The following PRKCQ variants were observed in gnomAD, a reference collection of about 807,000 sequenced individuals.
The protein encoded by PRKCQ is protein kinase C theta type.
A neutral mutation model predicts 91.2 loss-of-function variants in PRKCQ; 41 were observed. The ratio of observed to expected loss-of-function variants is 0.45; its 90% CI spans 0.35 to 0.58. PRKCQ has a LOEUF of 0.58. Ranked by LOEUF, PRKCQ falls within the 20% of genes least tolerant of loss-of-function variation. PRKCQ has a pLI of 0.00. For missense variants in PRKCQ, 673 were observed against 896.5 expected, an observed-to-expected ratio of 0.75 and a Z score of 3.18; for synonymous variants, 307 against 316.9, an observed-to-expected ratio of 0.97 and a Z score of 0.33.
At chr10:6,476,667 G>C (rs561373754) in intron 12 of PRKCQ, among the ~76,000 whole-genome samples, 1 of 152,142 alleles carries the variant, frequency 6.6e-6, no homozygotes, top group Admixed American at 6.5e-5. Flanking sequence ...TTGGGTATTT[G>C]TGTTGTTTCC....
intron 1 of PRKCQ, among the ~76,000 whole-genome samples, chr10:6,557,020 C>A (rs1367270265): frequency 6.6e-6 from 1 of 152,188 alleles, no homozygotes; most frequent in East Asian, 1.9e-4. Flanking sequence ...TGGAATTGTT[C>A]TTTTCTTTAA....
At chr10:6,467,541 G>T (rs577060910) in intron 12 of PRKCQ, among the ~76,000 whole-genome samples, 1 of 152,184 alleles carries the variant, frequency 6.6e-6, no homozygotes, top group African/African-American at 2.4e-5. Flanking sequence ...ATTAACCGAG[G>T]CAAATGATTC....
the PRKCQ span, among the ~76,000 whole-genome samples, chr10:6,400,481 C>T: frequency 6.6e-6 from 1 of 152,158 alleles, no homozygotes; most frequent in African/African-American, 2.4e-5. Context: ...AGGGCAGTCC[C>T]AGCCCTGAGC....
intron 12 of PRKCQ, among the ~76,000 whole-genome samples, chr10:6,467,598 A>G (rs2130726642): frequency 6.6e-6 from 1 of 152,178 alleles, no homozygotes; most frequent in South Asian, 2.1e-4. Context: ...GGGGGATGGG[A>G]CATGCCAAAC....
In PRKCQ at chr10:6,464,369, T is replaced by G; in HGVS notation, c.1389A>C (p.Gly463=). ...TTTGGATGTGGTACATTAAGTCCCC[T>G]CCGTTGAGGTACTCCATCACAAAAA... ...NLFFVMEYLN[G]GDLMYHIQSC... is the part of the protein sequence containing the mutation. The change falls in exon 13 of 18, where the codon GGA becomes GGC. Residue 463 remains glycine (G), a synonymous_variant. Transcript: ENST00000263125. 1 of 1,613,504 alleles carries G rather than the reference T, an allele frequency of 6.2e-7. No individual in the cohort carries two copies. Among genetic ancestry groups the G allele is most frequent in the African/African-American group, 1.3e-5 (1 of 74,952 alleles).
At chr10:6,535,416 AT>A in intron 1 of PRKCQ, among the ~76,000 whole-genome samples, 1 of 152,226 alleles carries the variant, frequency 6.6e-6, no homozygotes, top group South Asian at 2.1e-4. Context: ...GGGAATATAC[AT>A]TTTTTCCATA....
intron 12 of PRKCQ, among the ~76,000 whole-genome samples, chr10:6,475,704 C>G (rs1384205285): frequency 6.6e-6 from 1 of 152,214 alleles, no homozygotes; most frequent in African/African-American, 2.4e-5. Context: ...CCAACATGTT[C>G]CCAGAACAAA....
At chr10:6,419,836 A>G in the PRKCQ span, among the ~76,000 whole-genome samples, 1 of 150,908 alleles carries the variant, frequency 6.6e-6, no homozygotes, top group Admixed American at 6.6e-5. Context: ...TTACAGGTGC[A>G]TGCCACCATG....
chr10:6,512,349 A>G (rs1264855019), intron 2 of PRKCQ, among the ~76,000 whole-genome samples: 1 of 152,274 alleles, frequency 6.6e-6, no homozygotes, highest in Non-Finnish European at 1.5e-5. Context: ...GCCGACTGCC[A>G]GCCTGCAAGT....
chr10:6,535,518 G>C (rs1839550459), intron 1 of PRKCQ, among the ~76,000 whole-genome samples: 1 of 151,966 alleles, frequency 6.6e-6, no homozygotes, highest in South Asian at 2.1e-4. Flanking sequence ...AAAGTTACCA[G>C]TATCAAAATG....
rs61291267 is a variant in PRKCQ at position 6,445,121 on chromosome 10, C to CAAAA, written c.1648-3044_1648-3041dup. Reference sequence around the variant, plus strand: ...CCTAGGTGACAGAGCAAGACTCTGTCAAAAAAAAAAAAAAAAAAAAAAAAA... The same window carrying CAAAA: ...CCTAGGTGACAGAGCAAGACTCTGTCAAAAAAAAAAAAAAAAAAAAAAAAAAAAA... On this transcript the variant is annotated intron_variant, in intron 15 of 17. Transcript: ENST00000263125. 4.1e-3 allele frequency among the ~76,000 whole-genome samples: 429 copies of CAAAA among 105,280 alleles called. 16 individuals are homozygous for CAAAA. The highest frequency in any genetic ancestry group is 6.0e-3 in the Non-Finnish European group (338 of 56,652). The allele number at this position is 105,280 out of a possible 152,430, so 69.1% of individuals were successfully genotyped here. A position where few individuals can be genotyped will look rare whatever the true frequency, so the allele number is the denominator to read the frequency against.
chr10:6,552,259 A>G (rs751867653), intron 1 of PRKCQ, among the ~76,000 whole-genome samples: 30 of 152,224 alleles, frequency 2.0e-4, no homozygotes, highest in Non-Finnish European at 3.7e-4. Flanking sequence ...AACTTTTTAT[A>G]CATGTTTTAT....
At chr10:6,447,276 A>G (rs1171979299) in intron 15 of PRKCQ, among the ~76,000 whole-genome samples, 1 of 151,932 alleles carries the variant, frequency 6.6e-6, no homozygotes, top group African/African-American at 2.4e-5. Context: ...GCATGGTGGC[A>G]CGCGCCTGTA....
At position 6,497,667 on chromosome 10, in the gene PRKCQ, A is replaced by G. The variant is rs139729604; in HGVS notation, c.543-416T>C. On this transcript the variant is annotated intron_variant, in intron 5 of 17. Transcript: ENST00000263125. The surrounding 1 kb of genome is among the most constrained non-coding windows in gnomAD (Gnocchi z 4.5). ...GAGCATCTGAGAATATTTGCAACCA[A>G]CAAAGTCTCACATGCAGGACCGATT... is the stretch of plus-strand genomic sequence containing the variant. 7.9e-5 allele frequency among the ~76,000 whole-genome samples: 12 copies of G among 152,320 alleles called. No individual in the cohort carries two copies. The East Asian group carries it at 2.1e-3, about 27-fold the overall frequency.
intron 1 of PRKCQ, among the ~76,000 whole-genome samples, chr10:6,579,063 A>G (rs1175488325): frequency 6.6e-6 from 1 of 152,140 alleles, no homozygotes; most frequent in East Asian, 1.9e-4. Flanking sequence ...GAGCCTCACG[A>G]ATCCCAGTGG....
chr10:6,446,874 AACG>A (rs1264184954), intron 15 of PRKCQ, among the ~76,000 whole-genome samples: 14 of 152,330 alleles, frequency 9.2e-5, no homozygotes, highest in African/African-American at 3.1e-4. Flanking sequence ...GGTTTCACCG[AACG>A]ACGCCAGAGC....
rs750618898 is a variant in PRKCQ at position 6,464,280 on chromosome 10, T to C, written c.1445+33A>G. On this transcript the variant is annotated intron_variant, in intron 13 of 17. Transcript: ENST00000263125. ...AACCAGCAAGAACTGACAAGAACAG[T>C]GGAAAACTCCCAAACCCTTTAAAGC... 9.5e-6 allele frequency: 15 copies of C among 1,579,824 alleles called. 1 individual carries two copies. In the South Asian group the frequency reaches 1.7e-4, roughly 18 times the overall value.
chr10:6,481,017 A>C (rs1005040258), intron 11 of PRKCQ, among the ~76,000 whole-genome samples: 28 of 152,236 alleles, frequency 1.8e-4, no homozygotes, highest in Non-Finnish European at 4.1e-4. Flanking sequence ...GAAGAGAGAG[A>C]AAAGACAAGT....
the PRKCQ span, among the ~76,000 whole-genome samples, chr10:6,398,643 G>A: frequency 6.6e-6 from 1 of 151,854 alleles, no homozygotes; most frequent in East Asian, 1.9e-4. Flanking sequence ...GTCATGGCCT[G>A]TGCTAGATGC....
Sources: gnomAD v4.1 joint callset for allele counts (sites outside exome capture counted in the v4.1 genomes callset) on GRCh38, gnomAD v4.1.1 for gene constraint, Gnocchi (gnomAD v3.1) non-coding constraint, MANE v1.5 for transcripts, NCBI Gene and HGNC (gene_info 2026-07-23, HGNC 2026-07-21) for gene names.